The following SUMF1 variants were observed in gnomAD, a reference collection of about 807,000 sequenced individuals.
SUMF1 encodes the protein formylglycine-generating enzyme.
Under a neutral mutation model 47.6 loss-of-function variants are expected in SUMF1, and 48 were observed. That is an observed-to-expected ratio of 1.01 (90% CI 0.80 to 1.28). The LOEUF is 1.28. SUMF1 is among the 50% of genes most tolerant of loss of function. The pLI, the probability that SUMF1 is intolerant of heterozygous loss-of-function variation, is 0.00. For synonymous variants in SUMF1, 230 were observed against 192.1 expected, an observed-to-expected ratio of 1.20 and a Z score of -1.63; for missense variants, 571 against 485.4, an observed-to-expected ratio of 1.18 and a Z score of -1.66.
chr3:4,440,810 A>C (rs1437320000), intron 3 of SUMF1, among the ~76,000 whole-genome samples: 1 of 152,234 alleles, frequency 6.6e-6, no homozygotes. Context: ...GAAAGTGCCA[A>C]GCTACAAATG....
At chr3:4,108,541 C>T (rs1256111417) in intron 8 of SUMF1, among the ~76,000 whole-genome samples, 1 of 152,010 alleles carries the variant, frequency 6.6e-6, no homozygotes, top group East Asian at 1.9e-4. Context: ...TCTCCCATTA[C>T]TATGGTGTGG....
At chr3:4,207,918 G>C (rs1250546066) in intron 8 of SUMF1, among the ~76,000 whole-genome samples, 2 of 152,082 alleles carry the variant, frequency 1.3e-5, no homozygotes, top group Non-Finnish European at 2.9e-5. Flanking sequence ...ACGTCTGAGA[G>C]TTAAAAACTC....
intron 8 of SUMF1, among the ~76,000 whole-genome samples, chr3:4,330,655 C>T (rs759464957): frequency 6.6e-6 from 1 of 152,196 alleles, no homozygotes; most frequent in Non-Finnish European, 1.5e-5. Flanking sequence ...CAAACCAAAT[C>T]AGACAGCATG....
chr3:4,368,269 A>G (rs1450332604), intron 8 of SUMF1, among the ~76,000 whole-genome samples: 1 of 152,358 alleles, frequency 6.6e-6, no homozygotes, highest in East Asian at 1.9e-4. Flanking sequence ...GAGAAATGCA[A>G]ATCAAAACCA....
intron 8 of SUMF1, among the ~76,000 whole-genome samples, chr3:4,162,339 C>T (rs560536343): frequency 6.6e-6 from 1 of 152,110 alleles, no homozygotes; most frequent in Non-Finnish European, 1.5e-5. Flanking sequence ...GTTGCATGTC[C>T]CCCAGATCCA....
intron 8 of SUMF1, among the ~76,000 whole-genome samples, chr3:4,156,768 G>C (rs923868910): frequency 6.6e-6 from 1 of 151,554 alleles, no homozygotes; most frequent in African/African-American, 2.4e-5. Context: ...TGCCCTAATT[G>C]CTAGACAACC....
chr3:4,222,595 C>T (rs1403128399), intron 8 of SUMF1, among the ~76,000 whole-genome samples: 2 of 151,922 alleles, frequency 1.3e-5, no homozygotes, highest in African/African-American at 2.4e-5. Context: ...GCTCTCTACC[C>T]GGAGGGCCTG....
At chr3:4,136,337 C>T (rs551811969) in intron 8 of SUMF1, among the ~76,000 whole-genome samples, 1 of 152,100 alleles carries the variant, frequency 6.6e-6, no homozygotes, top group Admixed American at 6.5e-5. Flanking sequence ...ACCATCTGAT[C>T]TTTGACAAAC....
chr3:4,316,908 C>G lies in SUMF1; in HGVS notation c.1014+59422G>C, dbSNP rs372022724. 2.6e-6 allele frequency: 4 copies of G among 1,549,298 alleles called. No individual in the cohort carries two copies. In the African/African-American group the frequency reaches 5.5e-5, roughly 21 times the overall value. On this transcript the variant is annotated intron_variant and NMD_transcript_variant, in intron 8 of 12. Coordinates refer to the SUMF1 transcript ENST00000448413. ...TGAGATGAACCAAAAACTGCAACGC[C>G]TGCAGCTGGCATTGGTCAACAGAAA...
At position 4,064,484 on chromosome 3, in the gene SUMF1, A is replaced by G. The variant is rs929866685; in HGVS notation, c.1191+4085T>C. ...CCACACCTTGTTTAGCATATAATCAAGAAATAACTATAAGTATACTCAGTT... is the reference window on the plus strand; with the variant it reads ...CCACACCTTGTTTAGCATATAATCAGGAAATAACTATAAGTATACTCAGTT... On this transcript the variant is annotated intron_variant and NMD_transcript_variant, in intron 9 of 12. Coordinates refer to the SUMF1 transcript ENST00000448413. Among the ~76,000 whole-genome samples the G allele has an allele frequency of 2.6e-5, 4 of 152,154 alleles. 1 individual carries two copies. The highest frequency in any genetic ancestry group is 7.2e-5 in the African/African-American group (3 of 41,450).
intron 8 of SUMF1, among the ~76,000 whole-genome samples, chr3:4,178,619 G>A (rs911699152): frequency 6.6e-6 from 1 of 152,128 alleles, no homozygotes; most frequent in Non-Finnish European, 1.5e-5. Flanking sequence ...CATTCCCTTT[G>A]AAAACTGGCA....
intron 8 of SUMF1, among the ~76,000 whole-genome samples, chr3:4,366,883 A>G (rs1699981284): frequency 6.6e-6 from 1 of 152,182 alleles, no homozygotes; most frequent in Admixed American, 6.5e-5. Flanking sequence ...GGTGATGTAC[A>G]GATGGGTTTT....
chr3:4,367,046 G>A (rs1480344532), intron 8 of SUMF1, among the ~76,000 whole-genome samples: 9 of 152,134 alleles, frequency 5.9e-5, no homozygotes, highest in East Asian at 1.9e-4. Context: ...TTTGTGAACC[G>A]CGAATGCTGC....
chr3:4,465,318 T>G (rs564495811), intron 1 of SUMF1, among the ~76,000 whole-genome samples: 1 of 151,880 alleles, frequency 6.6e-6, no homozygotes, highest in African/African-American at 2.4e-5. Context: ...CTATTAAAAA[T>G]ACAAAAATTA....
chr3:4,266,290 G>A (rs1205418558), intron 8 of SUMF1, among the ~76,000 whole-genome samples: 2 of 152,156 alleles, frequency 1.3e-5, no homozygotes, highest in Non-Finnish European at 2.9e-5. Context: ...GCTTGATGGG[G>A]ATGGCAATGA....
chr3:4,454,546 A>G (rs1247404822), intron 1 of SUMF1, among the ~76,000 whole-genome samples: 1 of 152,228 alleles, frequency 6.6e-6, no homozygotes, highest in Non-Finnish European at 1.5e-5. Flanking sequence ...AGCTAAACGA[A>G]GAGTTATATG....
chr3:4,449,829 G>T (rs918606236), intron 2 of SUMF1, among the ~76,000 whole-genome samples: 1 of 152,168 alleles, frequency 6.6e-6, no homozygotes, highest in Non-Finnish European at 1.5e-5. Flanking sequence ...ATGGAAATCT[G>T]TATTTTAATG....
At chr3:4,303,827 G>A (rs889469897) in intron 8 of SUMF1, 98 of 1,362,224 alleles carry the variant, frequency 7.2e-5, no homozygotes, top group Non-Finnish European at 9.0e-5. Context: ...AGGCATCACG[G>A]GGGGAGTCAT....
At chr3:4,252,505 T>C (rs1248165524) in intron 8 of SUMF1, among the ~76,000 whole-genome samples, 2 of 152,078 alleles carry the variant, frequency 1.3e-5, no homozygotes, top group African/African-American at 2.4e-5. Flanking sequence ...TATTGAAAAA[T>C]CAAACCCTGA....
Sources: allele counts gnomAD v4.1 joint callset (sites outside exome capture counted in the v4.1 genomes callset), GRCh38; gene constraint gnomAD v4.1.1; transcripts MANE v1.5; gene names NCBI Gene and HGNC (gene_info 2026-07-23, HGNC 2026-07-21).